NELFCD: variants seen among roughly 807,000 people sequenced by gnomAD.
NELFCD encodes negative elongation factor C/D.
Under a neutral mutation model 72.9 loss-of-function variants are expected in NELFCD, and 48 were observed. The ratio of observed to expected loss-of-function variants is 0.66; its 90% confidence interval spans 0.52 to 0.84. The LOEUF is 0.84. Among genes scored for constraint, NELFCD ranks in the 40% least tolerant of loss-of-function variants. NELFCD has a pLI of 0.00. For synonymous variants in NELFCD, 297 were observed against 280.6 expected, an observed-to-expected ratio of 1.06 and a Z score of -0.59; for missense variants, 538 against 723.8, an observed-to-expected ratio of 0.74 and a Z score of 2.94.
In NELFCD at chr20:58,981,386, G is replaced by T; in HGVS notation, c.60+17G>T. 1 of 1,055,180 alleles carries T rather than the reference G, an allele frequency of 9.5e-7. No homozygotes were observed. Among genetic ancestry groups the T allele is most frequent in the South Asian group, 4.1e-5 (1 of 24,114 alleles). The allele number at this position is 1,055,180 out of a possible 1,614,324, so 65.4% of individuals were successfully genotyped here. ...GGCGGCCAGGTGAGGCGGGGCACTG[G>T]GCGCACCCTAGAGAGAATCGTTCGT... is the stretch of plus-strand genomic sequence containing the variant. On this transcript the variant is annotated intron_variant, in intron 1 of 14. Coordinates refer to ENST00000652272, the MANE Select transcript of NELFCD (RefSeq NM_198976.4).
At chr20:58,989,219 AT>A (rs775148975) in intron 5 of NELFCD, 198 bp downstream of exon 5, 6 of 619,682 alleles carry the variant, frequency 9.7e-6, no homozygotes, top group Admixed American at 2.9e-5. Flanking sequence ...GTGTTTTAGG[AT>A]TTAGCAGGGA....
chr20:58,992,952 G>A (rs1005277718), intron 10 of NELFCD, 46 bp from the exon 11 acceptor site: 1 of 1,335,424 alleles, frequency 7.5e-7, no homozygotes, highest in Non-Finnish European at 1.1e-6. Flanking sequence ...AGCATATTTT[G>A]TGTTTTAAAT....
rs763377658 is a variant in NELFCD at position 58,989,956 on chromosome 20, C to T, written c.756C>T (p.Ile252=). Residue 252 remains isoleucine, a synonymous_variant, in exon 7 of 15, where the codon ATC becomes ATT. Transcript: ENST00000652272. ...EEQGGSAVRR[I]AQEVQRFAQE... Reference sequence around the variant, plus strand: ...AGGGGGGCTCCGCTGTGCGCAGGATCGCCCAGGAAGTGCAGCGCTTTGCCC... The same window carrying T: ...AGGGGGGCTCCGCTGTGCGCAGGATTGCCCAGGAAGTGCAGCGCTTTGCCC... The T allele has an allele frequency of 6.2e-6, 10 of 1,613,800 alleles. No individual in the cohort carries two copies. The highest frequency in any genetic ancestry group is 1.7e-4 in the Middle Eastern group (1 of 5,812).
At position 58,989,931 on chromosome 20, in the gene NELFCD, A is replaced by AG; in HGVS notation, c.737dup (p.Ser247LeufsTer20). On this transcript the variant is annotated frameshift_variant, in exon 7 of 15. Transcript: ENST00000652272. LOFTEE classifies it high-confidence loss of function. The stretch of plus-strand genomic sequence containing the variant: ...ATGTCCGTGCTGGCCCAGGAGGAGC[A>AG]GGGGGGCTCCGCTGTGCGCAGGATC... The AG allele has an allele frequency of 1.2e-6, 2 of 1,614,160 alleles. No homozygotes were observed. Among genetic ancestry groups the AG allele is most frequent in the Non-Finnish European group, 8.5e-7 (1 of 1,180,042 alleles).
Position 58,986,296 on chromosome 20 carries a change from C to T in NELFCD, c.176+88C>T. ...TACACCCAGAAGGTGCTATGTAAAGCAAGAGTAACGCGAACTGAACTAAAG... is the reference window on the plus strand; with the variant it reads ...TACACCCAGAAGGTGCTATGTAAAGTAAGAGTAACGCGAACTGAACTAAAG... On this transcript the variant is annotated intron_variant, in intron 2 of 14. Transcript: ENST00000652272. The surrounding 1 kb of genome is among the most constrained non-coding windows in gnomAD (Gnocchi z 4.4). The T allele has an allele frequency of 3.4e-6, 3 of 878,758 alleles. No individual in the cohort carries two copies. The South Asian group carries it at 4.2e-5, about 12-fold the overall frequency. 54.4% of individuals were successfully genotyped at this position (878,758 alleles called of 1,614,324 possible). A position where few individuals can be genotyped will look rare whatever the true frequency, so the allele number is the denominator to read the frequency against.
In NELFCD at chr20:58,986,063, A is replaced by T. The variant is rs77546203; in HGVS notation, c.61-30A>T. 9.6e-4 allele frequency: 1,429 copies of T among 1,487,714 alleles called. 16 individuals are homozygous for T. The African/African-American group carries it at 0.015, about 16-fold the overall frequency. 92.2% of individuals were successfully genotyped at this position (1,487,714 alleles called of 1,614,324 possible). A position where few individuals can be genotyped will look rare whatever the true frequency, so the allele number is the denominator to read the frequency against. On this transcript the variant is annotated intron_variant, in intron 1 of 14. Coordinates refer to ENST00000652272, the MANE Select transcript of NELFCD (RefSeq NM_198976.4). This position sits in a 1 kb window ranked among gnomAD's most constrained non-coding sequence, Gnocchi z 4.4. Reference sequence around the variant, plus strand: ...TTAGGGTATTTGTATTAATGAAAAAAATATCCTGGCTCTTCGCATTTACCA... The same window carrying T: ...TTAGGGTATTTGTATTAATGAAAAATATATCCTGGCTCTTCGCATTTACCA...
rs1417098939 is a variant in NELFCD, at chr20:58,994,190, AG to A, written c.1664del (p.Gly555ValfsTer12). Reference protein sequence around the residue: ...LPILENDSIAGTIKTEGEHDP... With the variant: ...LPILENDSIAXTIKTEGEHDP... Reference sequence around the variant, plus strand: ...CCATCCTGGAGAATGACAGCATCGCAGGTACCATCAAAACGGAAGGCGAGCA... The same window carrying A: ...CCATCCTGGAGAATGACAGCATCGCAGTACCATCAAAACGGAAGGCGAGCA... On this transcript the variant is annotated frameshift_variant, in exon 14 of 15. Coordinates refer to ENST00000652272, the MANE Select transcript of NELFCD (RefSeq NM_198976.4). LOFTEE classifies it high-confidence loss of function. 1.9e-6 allele frequency: 3 copies of A among 1,614,026 alleles called. No individual in the cohort carries two copies. Among genetic ancestry groups the A allele is most frequent in the Non-Finnish European group, 1.7e-6 (2 of 1,179,970 alleles).
At chr20:58,983,622 C>T (rs2091752667) in intron 1 of NELFCD, among the ~76,000 whole-genome samples, 1 of 152,086 alleles carries the variant, frequency 6.6e-6, no homozygotes, top group Non-Finnish European at 1.5e-5. Context: ...GATGTGGTTT[C>T]ACCATGTTGG....
intron 13 of NELFCD, 95 bp from the exon 14 acceptor site, chr20:58,994,015 G>A: frequency 6.8e-7 from 1 of 1,466,592 alleles, no homozygotes; most frequent in Non-Finnish European, 9.4e-7. Context: ...GGGGTGGGGA[G>A]GGATTTTTTC....
At position 58,991,508 on chromosome 20, in the gene NELFCD, T is replaced by C. The variant is rs1449513458; in HGVS notation, c.1089+62T>C. The C allele has an allele frequency of 2.5e-6, 4 of 1,593,272 alleles. No individual in the cohort carries two copies. The African/African-American group carries it at 5.4e-5, about 21-fold the overall frequency. On this transcript the variant is annotated intron_variant, in intron 9 of 14. Transcript: ENST00000652272. The stretch of plus-strand genomic sequence containing the variant: ...AGACAAATATCCTCCTCTGCTTTGA[T>C]ATTATTTTGGAATTTTGGCTGCAAG...
At chr20:58,981,538 C>CCCCG (rs1289949589) in intron 1 of NELFCD, among the ~76,000 whole-genome samples, 169 bp downstream of exon 1, 1 of 147,786 alleles carries the variant, frequency 6.8e-6, no homozygotes, top group Non-Finnish European at 1.5e-5. Flanking sequence ...CCCGCCCCGC[C>CCCCG]CCCGCCCGCC....
At chr20:58,989,255 G>C in intron 5 of NELFCD, 1 of 626,364 alleles carries the variant, frequency 1.6e-6, no homozygotes, top group Non-Finnish European at 2.8e-6. Context: ...TGTGGTTGGA[G>C]AGGAGCTTTA....
chr20:58,994,143 G>T lies in NELFCD; in HGVS notation c.1615G>T (p.Asp539Tyr). The T allele has an allele frequency of 6.2e-7, 1 of 1,614,190 alleles. No homozygotes were observed. ...LDVIAPPYTS[D>Y]FVQLFLPILE... ...CGTCATTGCTCCTCCTTATACCTCT[G>T]ACTTCGTGCAACTTTTCCTCCCCAT... Residue 539 changes from aspartate (D) to tyrosine (Y), a missense_variant, in exon 14 of 15, where the codon GAC (aspartate) becomes TAC (tyrosine). Coordinates refer to ENST00000652272, the MANE Select transcript of NELFCD (RefSeq NM_198976.4).
In NELFCD at chr20:58,981,343, TG is replaced by T. The variant is rs1284323148; in HGVS notation, c.38del (p.Gly13AlafsTer45). 1 of 1,108,156 alleles carries T rather than the reference TG, an allele frequency of 9.0e-7. No homozygotes were observed. Among genetic ancestry groups the T allele is most frequent in the Non-Finnish European group, 1.1e-6 (1 of 905,262 alleles). The allele number at this position is 1,108,156 out of a possible 1,614,324, so 68.6% of individuals were successfully genotyped here. On this transcript the variant is annotated frameshift_variant, in exon 1 of 15. Coordinates refer to ENST00000652272, the MANE Select transcript of NELFCD (RefSeq NM_198976.4). LOFTEE classifies it high-confidence loss of function. ...GGACTACTACGGGAGCGCGGCCGAG[TG>T]GGGCGACGAGGCTGACGGCGGCCAG... ...DEDYYGSAAEWGDEADGGQQE... is the reference protein window; with the variant it reads ...DEDYYGSAAEXGDEADGGQQE...
rs777803092 is a variant in NELFCD, at chr20:58,993,155, C to T, written c.1344+43C>T. On this transcript the variant is annotated intron_variant, in intron 11 of 14. Transcript: ENST00000652272. This position sits in a 1 kb window ranked among gnomAD's most constrained non-coding sequence, Gnocchi z 5.0. ...TGTTCACAGCCTACACAGTGTCTGTCTCATGCTGTTTACGTTGGCATTAAC... is the reference window on the plus strand; with the variant it reads ...TGTTCACAGCCTACACAGTGTCTGTTTCATGCTGTTTACGTTGGCATTAAC... 1.5e-5 allele frequency: 21 copies of T among 1,402,568 alleles called. No individual in the cohort carries two copies. The Admixed American group carries it at 3.4e-4, about 22-fold the overall frequency. The allele number at this position is 1,402,568 out of a possible 1,614,324, so 86.9% of individuals were successfully genotyped here. A position where few individuals can be genotyped will look rare whatever the true frequency, so the allele number is the denominator to read the frequency against.
At chr20:58,991,132 T>A (rs886637611) in intron 8 of NELFCD, 57 bp downstream of exon 8, 43 of 1,586,482 alleles carry the variant, frequency 2.7e-5, no homozygotes, top group Non-Finnish European at 3.6e-5. Context: ...TTGGAAAGTC[T>A]GTGCTTGTCT....
intron 14 of NELFCD, 145 bp from the exon 15 acceptor site, chr20:58,994,497 G>A: frequency 2.7e-6 from 2 of 735,820 alleles, no homozygotes; most frequent in Non-Finnish European, 4.6e-6. Context: ...GGGAGGCAGA[G>A]GTTGCAGTGA....
chr20:58,992,426 GAAGA>G (rs2091824014), intron 10 of NELFCD, among the ~76,000 whole-genome samples: 1 of 152,226 alleles, frequency 6.6e-6, no homozygotes, highest in African/African-American at 2.4e-5. Flanking sequence ...TACTAGGGAT[GAAGA>G]AAGAGTTTGC....
At position 58,988,894 on chromosome 20, in the gene NELFCD, G is replaced by A; in HGVS notation, c.397-20G>A. The A allele has an allele frequency of 6.3e-7, 1 of 1,586,994 alleles. No homozygotes were observed. The highest frequency in any genetic ancestry group is 8.7e-7 in the Non-Finnish European group (1 of 1,155,474). ...AAGTGGGGCCTCCTCCTATCTTGCT[G>A]TTTGTGTGTGTGTTGGCAGACCCCA... On this transcript the variant is annotated intron_variant, in intron 4 of 14. Transcript: ENST00000652272.
Sources: gnomAD v4.1 joint callset for allele counts (sites outside exome capture counted in the v4.1 genomes callset) on GRCh38, gnomAD v4.1.1 for gene constraint, Gnocchi (gnomAD v3.1) non-coding constraint, MANE v1.5 for transcripts, NCBI Gene and HGNC (gene_info 2026-07-23, HGNC 2026-07-21) for gene names.